Variants in PKHD1 observed in about 807,000 individuals in gnomAD.
PKHD1 encodes PKHD1 ciliary IPT domain containing fibrocystin/polyductin.
PKHD1 carries 291 observed loss-of-function variants against 412.0 expected under a neutral mutation model. The observed-to-expected ratio is 0.71, with a 90% confidence interval of 0.64 to 0.78. The LOEUF (loss-of-function observed/expected upper bound fraction) is 0.78. Ranked by LOEUF, PKHD1 falls within the 30% of genes least tolerant of loss-of-function variation. The probability of loss-of-function intolerance (pLI) is 0.00; values close to 1 mark genes in which losing one functional copy is unlikely to be tolerated. For synonymous variants in PKHD1, 1,777 were observed against 1,821.5 expected (o/e 0.98, Z 0.62); for missense variants, 4,825 against 4,950.7 (o/e 0.97, Z 0.76).
At position 52,048,598 on chromosome 6, in the gene PKHD1, T is replaced by A. The variant is rs1339350105; in HGVS notation, c.2301A>T (p.Thr767=). The change falls in exon 23 of 67, where the codon ACA becomes ACT. Residue 767 remains threonine, a synonymous_variant. Transcript: ENST00000371117. ...CCAGGACCAGTCCAGATCCCTCTTCTGTTCCTTCAGTGGGCACAGAGCTGT... is the reference window on the plus strand; with the variant it reads ...CCAGGACCAGTCCAGATCCCTCTTCAGTTCCTTCAGTGGGCACAGAGCTGT... The part of the protein sequence containing the change: ...ITARSVPTEG[T]EEGSGLVLVT... 2.5e-6 allele frequency: 4 copies of A among 1,614,098 alleles called. No homozygotes were observed. In the Admixed American group the frequency reaches 5.0e-5, roughly 20 times the overall value.
chr6:51,761,400 G>C (rs1787987608), intron 55 of PKHD1, among the ~76,000 whole-genome samples: 1 of 152,114 alleles, frequency 6.6e-6, no homozygotes, highest in Non-Finnish European at 1.5e-5. Context: ...CTAGAGAGTA[G>C]AATGCAGGTT....
At chr6:51,990,433 T>C (rs895488554) in intron 35 of PKHD1, among the ~76,000 whole-genome samples, 1 of 152,310 alleles carries the variant, frequency 6.6e-6, no homozygotes, top group East Asian at 1.9e-4. Flanking sequence ...TGTTTTATTC[T>C]GGTGGACATC....
At chr6:51,996,314 G>T (rs572579573) in intron 35 of PKHD1, among the ~76,000 whole-genome samples, 2 of 151,992 alleles carry the variant, frequency 1.3e-5, no homozygotes, top group Non-Finnish European at 2.9e-5. Flanking sequence ...CAGTTGGGAA[G>T]TTTAATTAAT....
chr6:51,780,041 CA>C (rs1791717096), intron 53 of PKHD1, among the ~76,000 whole-genome samples: 1 of 151,962 alleles, frequency 6.6e-6, no homozygotes, highest in Non-Finnish European at 1.5e-5. Context: ...AAAAAAATTT[CA>C]AAAGTGAGCT....
At chr6:52,024,230 G>T (rs1425575539) in intron 32 of PKHD1, among the ~76,000 whole-genome samples, 2 of 152,156 alleles carry the variant, frequency 1.3e-5, no homozygotes, top group African/African-American at 2.4e-5. Context: ...GGCAGATAGG[G>T]TCTAAAACTA....
At chr6:51,926,383 C>T (rs969508401) in intron 37 of PKHD1, among the ~76,000 whole-genome samples, 1 of 152,038 alleles carries the variant, frequency 6.6e-6, no homozygotes, top group South Asian at 2.1e-4. Context: ...TTTTTATTTT[C>T]AGTTATATGA....
At chr6:51,669,716 G>A (rs1378120309) in intron 60 of PKHD1, among the ~76,000 whole-genome samples, 1 of 136,228 alleles carries the variant, frequency 7.3e-6, no homozygotes, top group Non-Finnish European at 1.5e-5. Context: ...ACACTGCTTT[G>A]AATGAGTCCC....
chr6:51,913,679 AG>A (rs1185690051), intron 37 of PKHD1, among the ~76,000 whole-genome samples: 2 of 152,150 alleles, frequency 1.3e-5, no homozygotes, highest in African/African-American at 4.8e-5. Flanking sequence ...CTAACTACAG[AG>A]GTGGCCGACA....
Position 51,753,284 on chromosome 6 carries a change from T to C in PKHD1, c.8867A>G (p.Asn2956Ser). Residue 2956 changes from asparagine (N) to serine (S), a missense_variant, in exon 57 of 67, where the codon AAT becomes AGT. Coordinates refer to ENST00000371117, the MANE Select transcript of PKHD1 (RefSeq NM_138694.4). ...LAAEVGLLTR[N>S]IQIQPDVSCR... ...TGATACGTCAGGCTGAATTTGTATA[T>C]TTCGGGTCAACAGTCCAACCTCAGC... 6.2e-7 allele frequency: 1 copy of C among 1,613,838 alleles called. No individual in the cohort carries two copies. The highest frequency in any genetic ancestry group is 8.5e-7 in the Non-Finnish European group (1 of 1,179,756).
chr6:51,955,132 C>T (rs1164438557), intron 36 of PKHD1, among the ~76,000 whole-genome samples: 1 of 151,918 alleles, frequency 6.6e-6, no homozygotes, highest in Non-Finnish European at 1.5e-5. Context: ...TATTTCCATC[C>T]CAGCTCATTA....
chr6:52,018,936 T>C (rs571587995), intron 33 of PKHD1, among the ~76,000 whole-genome samples: 1 of 152,358 alleles, frequency 6.6e-6, no homozygotes, highest in South Asian at 2.1e-4. Context: ...GATAAGTTTA[T>C]GAATTTCTTG....
chr6:51,674,436 C>T (rs1433985011), intron 60 of PKHD1, among the ~76,000 whole-genome samples: 1 of 152,002 alleles, frequency 6.6e-6, no homozygotes, highest in Admixed American at 6.5e-5. Context: ...TTCTTCAATT[C>T]TTCTTTTCTT....
rs573724230 is a variant in PKHD1 at position 51,670,586 on chromosome 6, C to T, written c.10157-10617G>A. 7.3e-3 allele frequency among the ~76,000 whole-genome samples: 1,108 copies of T among 151,610 alleles called. 13 individuals carry two copies. The highest frequency in any genetic ancestry group is 0.026 in the African/African-American group (1,061 of 41,340). On this transcript the variant is annotated intron_variant, in intron 60 of 66. Transcript: ENST00000371117. Reference sequence around the variant, plus strand: ...TTGTTATGTGTGAATTTGATCCTGTCATTATGATGTTAGCTGGTTATTTTG... The same window carrying T: ...TTGTTATGTGTGAATTTGATCCTGTTATTATGATGTTAGCTGGTTATTTTG...
intron 52 of PKHD1, among the ~76,000 whole-genome samples, chr6:51,796,222 C>G (rs2397063): frequency 0.59 from 89,184 of 151,288 alleles, 26,890 homozygotes; most frequent in East Asian, 0.83. Context: ...AATTCTTCCT[C>G]GTTCAGTCTT....
chr6:51,827,843 A>C (rs1248530732), intron 52 of PKHD1, among the ~76,000 whole-genome samples: 1 of 152,078 alleles, frequency 6.6e-6, no homozygotes, highest in Non-Finnish European at 1.5e-5. Context: ...ACTGAACTGG[A>C]AAGGGGTGTT....
rs576042945 is a variant in PKHD1 at position 52,039,173 on chromosome 6, G to T, written c.3098-3452C>A. Among the ~76,000 whole-genome samples the T allele has an allele frequency of 4.6e-5, 7 of 152,288 alleles. No individual in the cohort carries two copies. In the South Asian group the frequency reaches 1.5e-3, roughly 32 times the overall value. The stretch of plus-strand genomic sequence containing the variant: ...TTAGGAAAATCAAAATCACAATGAG[G>T]TATCATCTCATGCCCATTAAGATGG... On this transcript the variant is annotated intron_variant, in intron 27 of 66. Transcript: ENST00000371117.
Position 51,669,672 on chromosome 6 carries a change from T to C in PKHD1, c.10157-9703A>G, listed in dbSNP as rs1467409753. 7.5e-4 allele frequency among the ~76,000 whole-genome samples: 101 copies of C among 135,206 alleles called. 1 individual carries two copies. Among genetic ancestry groups the C allele is most frequent in the South Asian group, 7.2e-3 (26 of 3,612 alleles). The allele number at this position is 135,206 out of a possible 152,430, so 88.7% of individuals were successfully genotyped here. On this transcript the variant is annotated intron_variant, in intron 60 of 66. Coordinates refer to ENST00000371117, the MANE Select transcript of PKHD1 (RefSeq NM_138694.4). ...AATTTTGGATCTTTCCTGCTTTCTCTTGTGGGCATTTAGTGCTATAAATTT... is the reference window on the plus strand; with the variant it reads ...AATTTTGGATCTTTCCTGCTTTCTCCTGTGGGCATTTAGTGCTATAAATTT...
At chr6:51,924,074 T>C (rs776388523) in intron 37 of PKHD1, among the ~76,000 whole-genome samples, 2 of 152,142 alleles carry the variant, frequency 1.3e-5, no homozygotes, top group Non-Finnish European at 2.9e-5. Flanking sequence ...AGTGCCAGGA[T>C]CTAGGTAAAA....
chr6:52,044,907 G>C (rs1805534431), intron 25 of PKHD1, 59 bp downstream of exon 25: 1 of 1,591,342 alleles, frequency 6.3e-7, no homozygotes, highest in Non-Finnish European at 8.6e-7. Flanking sequence ...ACAAATCAGT[G>C]AGGAGTGAGT....
Sources: gnomAD v4.1 joint callset for allele counts (sites outside exome capture counted in the v4.1 genomes callset) on GRCh38, gnomAD v4.1.1 for gene constraint, MANE v1.5 for transcripts, NCBI Gene and HGNC (gene_info 2026-07-23, HGNC 2026-07-21) for gene names.